The following SLC4A10 variants were observed in gnomAD, a reference collection of about 807,000 sequenced individuals.
SLC4A10 encodes the protein sodium-driven chloride bicarbonate exchanger.
SLC4A10 carries 42 observed loss-of-function variants against 137.7 expected under a neutral mutation model. That is an observed-to-expected ratio of 0.30 (90% confidence interval 0.24 to 0.39). The LOEUF (loss-of-function observed/expected upper bound fraction) is 0.39. Ranked by LOEUF, SLC4A10 falls within the 10% of genes least tolerant of loss-of-function variation. SLC4A10 has a pLI of 1.00. For missense variants in SLC4A10, 925 were observed against 1,355.0 expected, an observed-to-expected ratio of 0.68 and a Z score of 4.98; for synonymous variants, 474 against 464.1, an observed-to-expected ratio of 1.02 and a Z score of -0.27.
intron 1 of SLC4A10, among the ~76,000 whole-genome samples, chr2:161,719,728 G>C (rs1052048669): frequency 2.6e-5 from 4 of 151,684 alleles, no homozygotes; most frequent in East Asian, 3.9e-4. Context: ...TCATATCCTT[G>C]GCCCACTTTT....
At chr2:161,839,952 A>C (rs1403252079) in intron 4 of SLC4A10, 25 bp downstream of exon 4, 1 of 1,611,028 alleles carries the variant, frequency 6.2e-7, no homozygotes, top group Non-Finnish European at 8.5e-7. Context: ...TAAAGGGTGA[A>C]GGTATACTAA....
intron 15 of SLC4A10, among the ~76,000 whole-genome samples, chr2:161,934,519 T>C (rs574130846): frequency 1.3e-5 from 2 of 152,340 alleles, no homozygotes; most frequent in East Asian, 3.9e-4. Context: ...TATGGCTGAA[T>C]AGTATTTCAT....
rs1574022657 is a variant in SLC4A10, at chr2:161,637,233, T to C, written c.48+12667T>C. 5.3e-5 allele frequency among the ~76,000 whole-genome samples: 8 copies of C among 151,638 alleles called. No individual in the cohort carries two copies. In the South Asian group the frequency reaches 1.7e-3, roughly 32 times the overall value. On this transcript the variant is annotated intron_variant, in intron 1 of 26. Coordinates refer to ENST00000446997, the MANE Select transcript of SLC4A10 (RefSeq NM_001178015.2). Reference sequence around the variant, plus strand: ...GAGAGAGAGAGACAGAGTCTCACTCTGTTGTCCAGGCTGGAGTGCAGTAGC... The same window carrying C: ...GAGAGAGAGAGACAGAGTCTCACTCCGTTGTCCAGGCTGGAGTGCAGTAGC...
At chr2:161,746,995 A>T (rs1289601393) in intron 1 of SLC4A10, among the ~76,000 whole-genome samples, 1 of 152,050 alleles carries the variant, frequency 6.6e-6, no homozygotes, top group African/African-American at 2.4e-5. Flanking sequence ...CTCTCCTCCC[A>T]GAGCTTCAAG....
intron 1 of SLC4A10, among the ~76,000 whole-genome samples, chr2:161,704,714 A>AT (rs1559070478): frequency 6.6e-6 from 1 of 151,538 alleles, no homozygotes. Context: ...TATGCTATAT[A>AT]TTTTCCTTTA....
intron 2 of SLC4A10, among the ~76,000 whole-genome samples, chr2:161,799,553 A>T (rs867112695): frequency 3.9e-5 from 6 of 152,002 alleles, no homozygotes; most frequent in Admixed American, 6.6e-5. Context: ...GGGACAGGAA[A>T]ATATCATTCC....
At chr2:161,947,845 G>A (rs1258425696) in intron 17 of SLC4A10, 118 bp downstream of exon 17, 2 of 1,148,584 alleles carry the variant, frequency 1.7e-6, no homozygotes, top group East Asian at 4.8e-5. Context: ...CAGGTTAGTT[G>A]TGGAGTGAGA....
intron 1 of SLC4A10, among the ~76,000 whole-genome samples, chr2:161,701,413 A>G (rs1424837230): frequency 6.6e-6 from 1 of 151,900 alleles, no homozygotes; most frequent in African/African-American, 2.4e-5. Context: ...ACTGCACACT[A>G]TTTATTTTCA....
intron 3 of SLC4A10, among the ~76,000 whole-genome samples, chr2:161,831,343 T>G (rs776852419): frequency 6.6e-6 from 1 of 152,186 alleles, no homozygotes; most frequent in African/African-American, 2.4e-5. Context: ...CAGTAATTGC[T>G]CTATAGCTGT....
chr2:161,960,853 C>T (rs2105891783), intron 21 of SLC4A10, among the ~76,000 whole-genome samples: 1 of 152,188 alleles, frequency 6.6e-6, no homozygotes, highest in African/African-American at 2.4e-5. Flanking sequence ...GGAGTGTGGC[C>T]CTGGCAATAT....
At chr2:161,834,937 A>G (rs1242077963) in intron 3 of SLC4A10, among the ~76,000 whole-genome samples, 1 of 151,304 alleles carries the variant, frequency 6.6e-6, no homozygotes, top group Non-Finnish European at 1.5e-5. Context: ...GACATTGCCA[A>G]TCTGTTTCTT....
intron 15 of SLC4A10, among the ~76,000 whole-genome samples, chr2:161,926,901 G>T (rs1689247639): frequency 6.6e-6 from 1 of 151,702 alleles, no homozygotes; most frequent in Admixed American, 6.6e-5. Flanking sequence ...CTCTCTTCTG[G>T]CTTGTAGAGT....
chr2:161,759,334 T>TG (rs1193383533), intron 1 of SLC4A10, among the ~76,000 whole-genome samples: 1 of 151,986 alleles, frequency 6.6e-6, no homozygotes, highest in Admixed American at 6.6e-5. Flanking sequence ...TTGTGTGTGG[T>TG]GCGAACACTT....
intron 1 of SLC4A10, among the ~76,000 whole-genome samples, chr2:161,754,718 C>A (rs76829747): frequency 6.6e-6 from 1 of 152,170 alleles, no homozygotes; most frequent in African/African-American, 2.4e-5. Flanking sequence ...ATATGCAATG[C>A]ATTTGAAAGT....
intron 3 of SLC4A10, among the ~76,000 whole-genome samples, chr2:161,830,052 C>T (rs894763908): frequency 6.6e-6 from 1 of 151,576 alleles, no homozygotes; most frequent in East Asian, 1.9e-4. Context: ...GGACACAGCC[C>T]AACCATACCA....
intron 4 of SLC4A10, among the ~76,000 whole-genome samples, chr2:161,844,339 A>C (rs1448467723): frequency 6.6e-6 from 1 of 152,144 alleles, no homozygotes; most frequent in Non-Finnish European, 1.5e-5. Flanking sequence ...TGGATTAAGA[A>C]CAGGTGTGAA....
At chr2:161,902,663 T>C (rs1683381378) in intron 12 of SLC4A10, among the ~76,000 whole-genome samples, 1 of 152,082 alleles carries the variant, frequency 6.6e-6, no homozygotes, top group South Asian at 2.1e-4. Flanking sequence ...CACAGGAAAA[T>C]ATAGTGATCT....
intron 2 of SLC4A10, among the ~76,000 whole-genome samples, chr2:161,779,811 G>C (rs1290986845): frequency 6.6e-6 from 1 of 151,866 alleles, no homozygotes; most frequent in Non-Finnish European, 1.5e-5. Flanking sequence ...ATTTAAAAAT[G>C]ATAGGAAAGG....
At chr2:161,732,160 A>G (rs951762627) in intron 1 of SLC4A10, among the ~76,000 whole-genome samples, 8 of 152,144 alleles carry the variant, frequency 5.3e-5, no homozygotes, top group African/African-American at 1.7e-4. Context: ...TGGGAGCTTC[A>G]TTACTAGCCA....
Sources: gnomAD v4.1 joint callset for allele counts (sites outside exome capture counted in the v4.1 genomes callset) on GRCh38, gnomAD v4.1.1 for gene constraint, MANE v1.5 for transcripts, NCBI Gene and HGNC (gene_info 2026-07-23, HGNC 2026-07-21) for gene names.